TBR1: variants seen among roughly 807,000 people sequenced by gnomAD.
TBR1 encodes the protein T-box brain transcription factor 1, also known as T-box brain protein 1.
Under a neutral mutation model 60.3 loss-of-function variants are expected in TBR1, and 7 were observed. The ratio of observed to expected loss-of-function variants is 0.12; its 90% CI spans 0.07 to 0.22. The LOEUF (loss-of-function observed/expected upper bound fraction) is 0.22. TBR1 is among the 10% of genes least tolerant of loss of function. The pLI, the probability that TBR1 is intolerant of heterozygous loss-of-function variation, is 1.00. For missense variants in TBR1, 616 were observed against 936.8 expected (o/e 0.66, Z 4.47); for synonymous variants, 417 against 409.9 (o/e 1.02, Z -0.21).
rs568559504 is a variant in TBR1 at position 161,417,991 on chromosome 2, G to A, written c.847+161G>A. On this transcript the variant is annotated intron_variant, in intron 2 of 5. Transcript: ENST00000389554. The surrounding 1 kb of genome is among the most constrained non-coding windows in gnomAD (Gnocchi z 5.3). ...GGGACAGACTGAGCTGCGAGAAGGGGGAGGATTATGCAAAAGCTATTTTAA... is the reference window on the plus strand; with the variant it reads ...GGGACAGACTGAGCTGCGAGAAGGGAGAGGATTATGCAAAAGCTATTTTAA... 6.9e-6 allele frequency: 10 copies of A among 1,451,276 alleles called. No homozygotes were observed. The highest frequency in any genetic ancestry group is 2.0e-4 in the Middle Eastern group (1 of 5,002). 89.9% of individuals were successfully genotyped at this position (1,451,276 alleles called of 1,614,324 possible). A position where few individuals can be genotyped will look rare whatever the true frequency, so the allele number is the denominator to read the frequency against.
intron 3 of TBR1, 94 bp downstream of exon 3, chr2:161,418,416 A>G (rs568473630): frequency 6.8e-7 from 1 of 1,466,692 alleles, no homozygotes; most frequent in East Asian, 2.3e-5. Flanking sequence ...GGAACTGGAT[A>G]CACGTTTCTT....
Position 161,423,449 on chromosome 2 carries a change from G to A in TBR1, c.1271G>A (p.Arg424His), listed in dbSNP as rs1231245992. Residue 424 changes from arginine to histidine, a missense_variant, in exon 6 of 6, where the codon CGC (arginine) becomes CAC (histidine). This residue lies in a region of TBR1 where 80 missense variants were observed against 75.3 expected (regional missense o/e 1.06). Coordinates refer to ENST00000389554, the MANE Select transcript of TBR1 (RefSeq NM_006593.4). ...SPRSQIVPGA[R>H]YAMAGSFLQD... ...CGCTCGCAGATCGTGCCCGGGGCCC[G>A]CTACGCCATGGCCGGCTCTTTCCTG... 1 of 1,604,648 alleles carries A rather than the reference G, an allele frequency of 6.2e-7. No individual in the cohort carries two copies. Among genetic ancestry groups the A allele is most frequent in the Non-Finnish European group, 8.5e-7 (1 of 1,176,210 alleles).
chr2:161,424,270 G>C lies in TBR1; in HGVS notation c.*43G>C, dbSNP rs950126123. 160 of 1,506,306 alleles carry C rather than the reference G, an allele frequency of 1.1e-4. 1 individual carries two copies. Among genetic ancestry groups the C allele is most frequent in the Non-Finnish European group, 1.3e-4 (145 of 1,120,400 alleles). The allele number at this position is 1,506,306 out of a possible 1,614,324, so 93.3% of individuals were successfully genotyped here. On this transcript the variant is annotated 3_prime_UTR_variant, in exon 6 of 6. Coordinates refer to ENST00000389554, the MANE Select transcript of TBR1 (RefSeq NM_006593.4). The surrounding 1 kb of genome is among the most constrained non-coding windows in gnomAD (Gnocchi z 4.4). The stretch of plus-strand genomic sequence containing the variant: ...GGCCCCGCCGCGGCCCGGACCCCCA[G>C]CCAGCCCCTCACAGCTCTTCCCCAG...
Position 161,417,122 on chromosome 2 carries a change from T to A in TBR1, c.692+20T>A, listed in dbSNP as rs1684137250. The A allele has an allele frequency of 5.1e-6, 8 of 1,560,042 alleles. 1 individual carries two copies. In the South Asian group the frequency reaches 9.8e-5, roughly 19 times the overall value. On this transcript the variant is annotated intron_variant, in intron 1 of 5. Transcript: ENST00000389554. The surrounding 1 kb of genome is among the most constrained non-coding windows in gnomAD (Gnocchi z 5.3). Reference sequence around the variant, plus strand: ...GGGAAGGTAATACTACATTTTTGGCTGCCGCTGCTCTAGGCGCAGCCGGGG... The same window carrying A: ...GGGAAGGTAATACTACATTTTTGGCAGCCGCTGCTCTAGGCGCAGCCGGGG...
At chr2:161,422,973 A>C in intron 5 of TBR1, 1 of 168,878 alleles carries the variant, frequency 5.9e-6, no homozygotes, top group Non-Finnish European at 1.3e-5. Flanking sequence ...CCACTGGGCA[A>C]AGAGCATCTT....
chr2:161,423,753 G>A lies in TBR1; in HGVS notation c.1575G>A (p.Pro525=), dbSNP rs754880254. 2 of 1,494,228 alleles carry A rather than the reference G, an allele frequency of 1.3e-6. No individual in the cohort carries two copies. Among genetic ancestry groups the A allele is most frequent in the South Asian group, 1.3e-5 (1 of 79,224 alleles). The allele number at this position is 1,494,228 out of a possible 1,614,324, so 92.6% of individuals were successfully genotyped here. The change falls in exon 6 of 6, where the codon CCG becomes CCA. Residue 525 remains proline (P), a synonymous_variant. Coordinates refer to ENST00000389554, the MANE Select transcript of TBR1 (RefSeq NM_006593.4). ...SYAAAGVKAL[P]LQAAGCTGRP... ...CGGCGGCGGGCGTGAAGGCGCTGCCGCTGCAGGCTGCAGGCTGCACTGGCC... is the reference window on the plus strand; with the variant it reads ...CGGCGGCGGGCGTGAAGGCGCTGCCACTGCAGGCTGCAGGCTGCACTGGCC...
chr2:161,418,556 A>C (rs1193263590), intron 3 of TBR1: 1 of 571,908 alleles, frequency 1.7e-6, no homozygotes, highest in Non-Finnish European at 2.9e-6. Context: ...AAGTACTAAT[A>C]CTGATTGATT....
At chr2:161,418,374 G>A (rs1684168715) in intron 3 of TBR1, 52 bp downstream of exon 3, 3 of 1,587,982 alleles carry the variant, frequency 1.9e-6, no homozygotes, top group African/African-American at 2.7e-5. Context: ...CTTCCTCCCT[G>A]ACATCCAGTT....
intron 3 of TBR1, 60 bp from the exon 4 acceptor site, chr2:161,418,832 A>G (rs1363389894): frequency 6.4e-7 from 1 of 1,573,470 alleles, no homozygotes; most frequent in Non-Finnish European, 8.6e-7. Flanking sequence ...GCACACAGCC[A>G]CGCGCACAGC....
chr2:161,419,830 A>G, intron 4 of TBR1: 1 of 156,322 alleles, frequency 6.4e-6, no homozygotes, highest in Non-Finnish European at 1.4e-5. Context: ...TAAAATACTT[A>G]AAATAGTCAA....
At chr2:161,418,774 G>C (rs1342761376) in intron 3 of TBR1, 118 bp from the exon 4 acceptor site, 3 of 1,383,420 alleles carry the variant, frequency 2.2e-6, no homozygotes, top group South Asian at 1.4e-5. Flanking sequence ...AGTTAGCCTG[G>C]AAGGCGGGCT....
In TBR1 at chr2:161,416,910, A is replaced by G. The variant is rs1684133470; in HGVS notation, c.500A>G (p.Gln167Arg). The change falls in exon 1 of 6, where the codon CAG (glutamine) becomes CGG (arginine). Residue 167 changes from glutamine to arginine, a missense_variant. This residue lies in a region of TBR1 where 211 missense variants were observed against 268.7 expected (regional missense o/e 0.79). Coordinates refer to ENST00000389554, the MANE Select transcript of TBR1 (RefSeq NM_006593.4). This position sits in a 1 kb window ranked among gnomAD's most constrained non-coding sequence, Gnocchi z 6.1. ...AGCCTCCTGTCCAACTCCTCGCCGC[A>G]GGGATACCCCACGGCCGGCTACCCC... ...YNSLLSNSSP[Q>R]GYPTAGYPYP... 6.2e-7 allele frequency: 1 copy of G among 1,614,006 alleles called. No homozygotes were observed. The highest frequency in any genetic ancestry group is 1.1e-5 in the South Asian group (1 of 91,060).
Position 161,424,844 on chromosome 2 carries a change from T to C in TBR1, c.*617T>C, listed in dbSNP as rs1484234525. ...AAAACCAGTTCATGCTTAACCTTTT[T>C]TTCCTTTCCTTTCTTTGCTTTTCTT... On this transcript the variant is annotated 3_prime_UTR_variant, in exon 6 of 6. Coordinates refer to ENST00000389554, the MANE Select transcript of TBR1 (RefSeq NM_006593.4). This position sits in a 1 kb window ranked among gnomAD's most constrained non-coding sequence, Gnocchi z 4.4. 6.5e-6 allele frequency: 1 copy of C among 152,694 alleles called. No individual in the cohort carries two copies. The highest frequency in any genetic ancestry group is 2.4e-5 in the African/African-American group (1 of 41,474). The allele number at this position is 152,694 out of a possible 1,614,324, so 9.5% of individuals were successfully genotyped here. A position where few individuals can be genotyped will look rare whatever the true frequency, so the allele number is the denominator to read the frequency against.
rs762056636 is a variant in TBR1, at chr2:161,417,113, AT to A, written c.692+16del. 16 of 1,569,088 alleles carry A rather than the reference AT, an allele frequency of 1.0e-5. No individual in the cohort carries two copies. In the East Asian group the frequency reaches 3.6e-4, roughly 35 times the overall value. ...CACCAAACAGGGAAGGTAATACTAC[AT>A]TTTTGGCTGCCGCTGCTCTAGGCGC... On this transcript the variant is annotated intron_variant, in intron 1 of 5. Coordinates refer to ENST00000389554, the MANE Select transcript of TBR1 (RefSeq NM_006593.4). The surrounding 1 kb of genome is among the most constrained non-coding windows in gnomAD (Gnocchi z 5.3).
chr2:161,417,263 GC>G lies in TBR1; in HGVS notation c.692+163del. 1.4e-6 allele frequency: 1 copy of G among 728,572 alleles called. No homozygotes were observed. Among genetic ancestry groups the G allele is most frequent in the East Asian group, 2.8e-5 (1 of 36,144 alleles). 45.1% of individuals were successfully genotyped at this position (728,572 alleles called of 1,614,324 possible). On this transcript the variant is annotated intron_variant, in intron 1 of 5. Transcript: ENST00000389554. The surrounding 1 kb of genome is among the most constrained non-coding windows in gnomAD (Gnocchi z 5.3). The stretch of plus-strand genomic sequence containing the variant: ...AAGGGGGAAAGTGGAAGGGATAACC[GC>G]CAGGGTGATGTTGGTGGGGGGGACC...
intron 3 of TBR1, 105 bp downstream of exon 3, chr2:161,418,427 T>C: frequency 1.4e-6 from 2 of 1,435,204 alleles, no homozygotes; most frequent in South Asian, 1.5e-5. Flanking sequence ...CACGTTTCTT[T>C]GCTTCATTAA....
At chr2:161,418,424 C>A in intron 3 of TBR1, 102 bp downstream of exon 3, 5 of 1,436,812 alleles carry the variant, frequency 3.5e-6, no homozygotes, top group Non-Finnish European at 4.7e-6. Flanking sequence ...ATACACGTTT[C>A]TTTGCTTCAT....
intron 3 of TBR1, 134 bp downstream of exon 3, chr2:161,418,456 T>C: frequency 3.1e-6 from 4 of 1,277,780 alleles, no homozygotes; most frequent in Non-Finnish European, 4.2e-6. Flanking sequence ...AAAAATTGTA[T>C]TTCCACCCTC....
Position 161,417,566 on chromosome 2 carries a change from G to T in TBR1, c.693-110G>T. The T allele has an allele frequency of 7.4e-7, 1 of 1,352,350 alleles. No individual in the cohort carries two copies. Among genetic ancestry groups the T allele is most frequent in the Non-Finnish European group, 1.0e-6 (1 of 988,482 alleles). The allele number at this position is 1,352,350 out of a possible 1,614,324, so 83.8% of individuals were successfully genotyped here. A position where few individuals can be genotyped will look rare whatever the true frequency, so the allele number is the denominator to read the frequency against. ...TCCAGCAAATATTCGCCTATTTGCT[G>T]CAAGTACAAGTTTTGCTTTGCTAAC... On this transcript the variant is annotated intron_variant, in intron 1 of 5. Coordinates refer to ENST00000389554, the MANE Select transcript of TBR1 (RefSeq NM_006593.4). This position sits in a 1 kb window ranked among gnomAD's most constrained non-coding sequence, Gnocchi z 5.3.
Sources: allele counts gnomAD v4.1 joint callset, GRCh38; gene constraint gnomAD v4.1.1; regional missense constraint gnomAD v4.1.1; non-coding constraint Gnocchi (gnomAD v3.1); transcripts MANE v1.5; gene names NCBI Gene and HGNC (gene_info 2026-07-23, HGNC 2026-07-21).